The following MAP3K5 variants were observed in gnomAD, a reference collection of about 807,000 sequenced individuals.
The protein encoded by MAP3K5 is mitogen-activated protein kinase kinase kinase 5, also known as ASK-1.
MAP3K5 carries 56 observed loss-of-function variants against 158.7 expected under a neutral mutation model. The ratio of observed to expected loss-of-function variants is 0.35; its 90% CI spans 0.28 to 0.44. The LOEUF is 0.44. Among genes scored for constraint, MAP3K5 ranks in the 20% least tolerant of loss-of-function variants. The pLI is 1.00. For synonymous variants in MAP3K5, 579 were observed against 601.7 expected (o/e 0.96, Z 0.55); for missense variants, 1,294 against 1,674.8 (o/e 0.77, Z 3.97).
At chr6:136,559,175 A>AC (rs1458026384) in intron 28 of MAP3K5, among the ~76,000 whole-genome samples, 1 of 152,042 alleles carries the variant, frequency 6.6e-6, no homozygotes, top group African/African-American at 2.4e-5. Context: ...AAGTGGTGAA[A>AC]CCCCATCTCT....
intron 3 of MAP3K5, among the ~76,000 whole-genome samples, chr6:136,702,943 G>A (rs899353327): frequency 1.2e-4 from 19 of 152,032 alleles, no homozygotes; most frequent in Admixed American, 8.5e-4. Context: ...TGATCCTCCC[G>A]CCTCAGCCTC....
chr6:136,596,549 G>A (rs1018400898), intron 21 of MAP3K5, among the ~76,000 whole-genome samples: 5 of 152,158 alleles, frequency 3.3e-5, no homozygotes, highest in Admixed American at 6.5e-5. Context: ...GGGGAAGGAC[G>A]GGTTTAGGAC....
In MAP3K5 at chr6:136,562,576, T is replaced by C; in HGVS notation, c.3801A>G (p.Gln1267=). 6.2e-7 allele frequency: 1 copy of C among 1,604,880 alleles called. No individual in the cohort carries two copies. Among genetic ancestry groups the C allele is most frequent in the African/African-American group, 1.3e-5 (1 of 74,208 alleles). ...EELVRKEKEL[Q]ALLHRAIEEK... ...CTTCAATAGCTCGATGAAGGAGTGC[T>C]TGTAATTCTTTCTCTTTCCGAACCA... Residue 1267 remains glutamine, a synonymous_variant, in exon 27 of 30, where the codon CAA becomes CAG. Transcript: ENST00000359015.
chr6:136,674,329 T>C (rs1374125565), intron 7 of MAP3K5, among the ~76,000 whole-genome samples: 1 of 152,046 alleles, frequency 6.6e-6, no homozygotes, highest in Non-Finnish European at 1.5e-5. Flanking sequence ...TTAAAATCTA[T>C]TGATTATTTA....
chr6:136,669,231 C>T, intron 8 of MAP3K5, 52 bp downstream of exon 8: 1 of 1,149,734 alleles, frequency 8.7e-7, no homozygotes, highest in East Asian at 2.3e-5. Context: ...TTCTTTGCAC[C>T]AAGTTGGGTC....
intron 15 of MAP3K5, among the ~76,000 whole-genome samples, chr6:136,622,085 CAAA>C (rs57596059): frequency 7.4e-5 from 7 of 94,828 alleles, no homozygotes; most frequent in Non-Finnish European, 9.7e-5. Flanking sequence ...GACTCCGTCT[CAAA>C]AAAAAAAAAA....
chr6:136,787,910 C>T (rs1784913888), intron 1 of MAP3K5, among the ~76,000 whole-genome samples: 1 of 152,188 alleles, frequency 6.6e-6, no homozygotes, highest in East Asian at 1.9e-4. Flanking sequence ...TGTGGGCCAC[C>T]TGTTTTTGAG....
Position 136,669,289 on chromosome 6 carries a change from TC to T in MAP3K5, c.1359del (p.Val455LeufsTer3), listed in dbSNP as rs1478159257. 6.2e-7 allele frequency: 1 copy of T among 1,610,316 alleles called. No individual in the cohort carries two copies. The highest frequency in any genetic ancestry group is 8.5e-7 in the Non-Finnish European group (1 of 1,176,942). On this transcript the variant is annotated frameshift_variant, in exon 8 of 30. Transcript: ENST00000359015. LOFTEE classifies it high-confidence loss of function. Reference sequence around the variant, plus strand: ...AATATCAAGTTGTAATTACCAACTTTCCGGAGCTCAAAGGAAGATTCAAACT... The same window carrying T: ...AATATCAAGTTGTAATTACCAACTTTCGGAGCTCAAAGGAAGATTCAAACT... ...GHQFESSFEL[R>X]KVGVKLSSLL...
At chr6:136,742,844 C>G (rs1433636744) in intron 1 of MAP3K5, among the ~76,000 whole-genome samples, 1 of 152,126 alleles carries the variant, frequency 6.6e-6, no homozygotes, top group African/African-American at 2.4e-5. Flanking sequence ...GGGCCAAAGA[C>G]CTGAATGGAT....
chr6:136,726,058 C>G (rs9402843), intron 1 of MAP3K5, among the ~76,000 whole-genome samples: 77,932 of 152,024 alleles, frequency 0.51, 20,467 homozygotes, highest in African/African-American at 0.63. Flanking sequence ...TGGACTGCTG[C>G]AGCTTTAAGG....
chr6:136,753,442 A>G (rs1477121495), intron 1 of MAP3K5, among the ~76,000 whole-genome samples: 1 of 152,136 alleles, frequency 6.6e-6, no homozygotes, highest in Non-Finnish European at 1.5e-5. Flanking sequence ...TTGCCAAGTT[A>G]TAAATTATAG....
intron 14 of MAP3K5, among the ~76,000 whole-genome samples, chr6:136,626,445 G>T (rs1222939026): frequency 3.3e-5 from 5 of 152,200 alleles, no homozygotes; most frequent in Non-Finnish European, 7.3e-5. Context: ...TGATCAGAGT[G>T]ACCAGGTGAT....
chr6:136,742,631 AG>A (rs1217022910), intron 1 of MAP3K5, among the ~76,000 whole-genome samples: 40 of 152,310 alleles, frequency 2.6e-4, no homozygotes, highest in Non-Finnish European at 1.2e-4. Context: ...GCATAATAAA[AG>A]AATTATAAGC....
intron 1 of MAP3K5, among the ~76,000 whole-genome samples, chr6:136,744,732 T>G (rs1782859160): frequency 6.6e-6 from 1 of 152,160 alleles, no homozygotes; most frequent in Non-Finnish European, 1.5e-5. Context: ...TAAAGAATAA[T>G]TCACAGCCTT....
At chr6:136,594,658 T>C (rs567514758) in intron 21 of MAP3K5, among the ~76,000 whole-genome samples, 13 of 152,324 alleles carry the variant, frequency 8.5e-5, no homozygotes, top group South Asian at 4.1e-4. Flanking sequence ...CCCATTTTTA[T>C]GAGATGCATG....
chr6:136,687,561 C>T (rs1315274038), intron 7 of MAP3K5, among the ~76,000 whole-genome samples: 1 of 152,052 alleles, frequency 6.6e-6, no homozygotes, highest in South Asian at 2.1e-4. Flanking sequence ...CTACAAGGAA[C>T]TTAAACAAAT....
intron 25 of MAP3K5, among the ~76,000 whole-genome samples, chr6:136,579,423 T>A (rs1774769482): frequency 6.6e-6 from 1 of 152,248 alleles, no homozygotes; most frequent in South Asian, 2.1e-4. Context: ...GGGCTGTGTC[T>A]AGACCAGTGA....
At chr6:136,626,825 A>G (rs1000431300) in intron 14 of MAP3K5, among the ~76,000 whole-genome samples, 14 of 152,146 alleles carry the variant, frequency 9.2e-5, no homozygotes, top group African/African-American at 3.1e-4. Flanking sequence ...TATCATCATA[A>G]GCATGTGTAA....
chr6:136,780,639 T>C (rs1468107307), intron 1 of MAP3K5, among the ~76,000 whole-genome samples: 1 of 152,152 alleles, frequency 6.6e-6, no homozygotes, highest in Non-Finnish European at 1.5e-5. Flanking sequence ...AGAAAGGAGC[T>C]TTTAGTTTTG....
Sources: allele counts gnomAD v4.1 joint callset (sites outside exome capture counted in the v4.1 genomes callset), GRCh38; gene constraint gnomAD v4.1.1; transcripts MANE v1.5; gene names NCBI Gene and HGNC (gene_info 2026-07-23, HGNC 2026-07-21).